Variants in PEAK1 observed in about 807,000 individuals in gnomAD.
PEAK1 encodes the protein pseudopodium enriched atypical kinase 1, also known as inactive tyrosine-protein kinase PEAK1.
A neutral mutation model predicts 124.7 loss-of-function variants in PEAK1; 54 were observed. The ratio of observed to expected loss-of-function variants is 0.43; its 90% CI spans 0.35 to 0.54. The LOEUF (loss-of-function observed/expected upper bound fraction) is 0.54. Among genes scored for constraint, PEAK1 ranks in the 20% least tolerant of loss-of-function variants. The probability of loss-of-function intolerance (pLI) is 0.01; values close to 1 mark genes in which losing one functional copy is unlikely to be tolerated. For synonymous variants in PEAK1, 719 were observed against 760.0 expected, an observed-to-expected ratio of 0.95 and a Z score of 0.89; for missense variants, 2,046 against 2,134.5, an observed-to-expected ratio of 0.96 and a Z score of 0.82.
At chr15:77,218,845 C>T (rs1178275069) in intron 6 of PEAK1, among the ~76,000 whole-genome samples, 2 of 152,110 alleles carry the variant, frequency 1.3e-5, no homozygotes, top group Non-Finnish European at 2.9e-5. Context: ...CTACCCATTT[C>T]ACACTGCACA....
At chr15:77,206,704 T>C (rs2058676186) in intron 6 of PEAK1, among the ~76,000 whole-genome samples, 1 of 151,402 alleles carries the variant, frequency 6.6e-6, no homozygotes, top group Non-Finnish European at 1.5e-5. Context: ...TTTGTTTGAG[T>C]TCATTGTAGA....
intron 5 of PEAK1, among the ~76,000 whole-genome samples, chr15:77,282,976 T>TA (rs1158985387): frequency 6.6e-6 from 1 of 152,140 alleles, no homozygotes; most frequent in African/African-American, 2.4e-5. Flanking sequence ...AGCTGAGAAT[T>TA]AAAAACTAGC....
chr15:77,167,823 G>C (rs949558021), intron 7 of PEAK1, among the ~76,000 whole-genome samples: 1 of 152,008 alleles, frequency 6.6e-6, no homozygotes, highest in South Asian at 2.1e-4. Flanking sequence ...GTGCCATGTC[G>C]GTTTGCTGCA....
At chr15:77,253,992 G>A (rs1251222837) in intron 5 of PEAK1, among the ~76,000 whole-genome samples, 2 of 151,928 alleles carry the variant, frequency 1.3e-5, no homozygotes, top group African/African-American at 2.4e-5. Flanking sequence ...GCTAATTTTT[G>A]TATTTTTAGT....
At chr15:77,162,328 T>C (rs2055724049) in intron 7 of PEAK1, among the ~76,000 whole-genome samples, 2 of 151,708 alleles carry the variant, frequency 1.3e-5, no homozygotes, top group South Asian at 4.2e-4. Context: ...ACCCTATCTC[T>C]ACTAAAAATA....
chr15:77,392,671 T>C (rs561358495), intron 1 of PEAK1, among the ~76,000 whole-genome samples: 27 of 152,226 alleles, frequency 1.8e-4, no homozygotes, highest in Non-Finnish European at 3.5e-4. Context: ...ACGGTCTTCT[T>C]TACTGCTCTC....
chr15:77,134,485 G>T (rs1285114389), intron 8 of PEAK1, among the ~76,000 whole-genome samples: 11 of 152,092 alleles, frequency 7.2e-5, no homozygotes, highest in Admixed American at 1.3e-4. Context: ...TTATTTTGGT[G>T]GGCATATACA....
intron 2 of PEAK1, among the ~76,000 whole-genome samples, chr15:77,306,079 C>T (rs1453627716): frequency 2.0e-5 from 3 of 152,152 alleles, no homozygotes; most frequent in African/African-American, 4.8e-5. Context: ...ATTTTATATA[C>T]ACTGTAGGTT....
chr15:77,159,146 A>G (rs2055411264), intron 7 of PEAK1, among the ~76,000 whole-genome samples: 1 of 152,162 alleles, frequency 6.6e-6, no homozygotes, highest in Non-Finnish European at 1.5e-5. Context: ...TACACACTTT[A>G]GTGTGTACTA....
intron 2 of PEAK1, among the ~76,000 whole-genome samples, chr15:77,354,688 T>C (rs930128300): frequency 6.6e-6 from 1 of 152,168 alleles, no homozygotes; most frequent in Admixed American, 6.5e-5. Flanking sequence ...GCCTAGAAAG[T>C]GTTGTCTCTT....
At chr15:77,288,927 C>CAA (rs34321536) in intron 2 of PEAK1, among the ~76,000 whole-genome samples, 31 of 86,132 alleles carry the variant, frequency 3.6e-4, no homozygotes, top group South Asian at 4.4e-4. Flanking sequence ...GACTCCGTCT[C>CAA]AAAAAAAAAA....
chr15:77,229,016 T>A (rs1285845366), intron 6 of PEAK1, among the ~76,000 whole-genome samples: 1 of 152,092 alleles, frequency 6.6e-6, no homozygotes, highest in Non-Finnish European at 1.5e-5. Context: ...CCTTTTATTA[T>A]CAGGCTACTC....
rs766931035 is a variant in PEAK1 at position 77,179,081 on chromosome 15, T to C, written c.2846A>G (p.Lys949Arg). Residue 949 changes from lysine (K) to arginine (R), a missense_variant, in exon 7 of 10, where the codon AAA (lysine) becomes AGA (arginine). Transcript: ENST00000682557. The stretch of plus-strand genomic sequence containing the variant: ...GCCATCCAGGCCCACCAGTTTCCCT[T>C]TCTCTCGCTCTTTCTCTTTGTCATC... ...EEDDKEKERE[K>R]GKLVGLDGTV... The C allele has an allele frequency of 5.1e-5, 82 of 1,614,060 alleles. No homozygotes were observed. The highest frequency in any genetic ancestry group is 1.1e-4 in the East Asian group (5 of 44,892).
intron 2 of PEAK1, among the ~76,000 whole-genome samples, chr15:77,331,867 T>G (rs1180815352): frequency 1.3e-5 from 2 of 151,698 alleles, no homozygotes; most frequent in Admixed American, 1.3e-4. Context: ...CTGCCTGCCT[T>G]GGCCTCCCAA....
intron 1 of PEAK1, among the ~76,000 whole-genome samples, chr15:77,409,694 TTTG>T (rs1595877246): frequency 6.6e-6 from 1 of 152,222 alleles, no homozygotes; most frequent in East Asian, 1.9e-4. Context: ...CACAGAGGGA[TTTG>T]TTTTCCTTTA....
chr15:77,105,335 T>G (rs2050737914), downstream of PEAK1: 1 of 141,508 alleles, frequency 7.1e-6, no homozygotes, highest in Non-Finnish European at 1.6e-5. Flanking sequence ...TGTGTGTGTG[T>G]GTGTGTGTGT....
At chr15:77,257,571 G>A (rs1567175942) in intron 5 of PEAK1, among the ~76,000 whole-genome samples, 1 of 151,540 alleles carries the variant, frequency 6.6e-6, no homozygotes, top group Non-Finnish European at 1.5e-5. Context: ...TTTTGATGGG[G>A]TTGTTTGTTT....
At chr15:77,105,759 G>T (rs533408552), downstream of PEAK1, 1 of 152,264 alleles carries the variant, frequency 6.6e-6, no homozygotes, top group Admixed American at 6.5e-5. Context: ...AATTCACTCC[G>T]GGCAGGAAAG....
chr15:77,341,415 A>G (rs1196037945), intron 2 of PEAK1, among the ~76,000 whole-genome samples: 1 of 151,826 alleles, frequency 6.6e-6, no homozygotes, highest in African/African-American at 2.4e-5. Flanking sequence ...CAGAAGAATC[A>G]CTTGAACCCG....
Sources: gnomAD v4.1 joint callset for allele counts (sites outside exome capture counted in the v4.1 genomes callset) on GRCh38, gnomAD v4.1.1 for gene constraint, MANE v1.5 for transcripts, NCBI Gene and HGNC (gene_info 2026-07-23, HGNC 2026-07-21) for gene names.